PTK2: variants seen among roughly 807,000 people sequenced by gnomAD.
The protein encoded by PTK2 is focal adhesion kinase 1.
In PTK2, 45 loss-of-function variants were observed where a neutral mutation model predicts 150.1. The observed-to-expected ratio is 0.30, with a 90% CI of 0.24 to 0.38. PTK2 has a LOEUF of 0.38. Ranked by LOEUF, PTK2 falls within the 10% of genes least tolerant of loss-of-function variation. The probability of loss-of-function intolerance (pLI) is 1.00; values close to 1 mark genes in which losing one functional copy is unlikely to be tolerated. For synonymous variants in PTK2, 432 were observed against 449.2 expected (o/e 0.96, Z 0.48); for missense variants, 919 against 1,307.3 (o/e 0.70, Z 4.58).
At chr8:140,762,987 A>G (rs969548300) in intron 15 of PTK2, among the ~76,000 whole-genome samples, 2 of 152,092 alleles carry the variant, frequency 1.3e-5, no homozygotes, top group South Asian at 2.1e-4. Context: ...TTGTTATGTC[A>G]CCTAGGTTGG....
At chr8:140,911,673 T>G (rs2100163231) in intron 2 of PTK2, among the ~76,000 whole-genome samples, 2 of 152,166 alleles carry the variant, frequency 1.3e-5, no homozygotes, top group African/African-American at 2.4e-5. Context: ...CCATCAATGT[T>G]TTATCTTCAT....
intron 4 of PTK2, among the ~76,000 whole-genome samples, chr8:140,869,250 T>A (rs922075254): frequency 1.3e-5 from 2 of 152,100 alleles, no homozygotes; most frequent in African/African-American, 2.4e-5. Flanking sequence ...AACACGCATC[T>A]GCAAGTCAAC....
chr8:140,847,398 G>A (rs2100126218), intron 5 of PTK2, among the ~76,000 whole-genome samples: 1 of 152,150 alleles, frequency 6.6e-6, no homozygotes, highest in South Asian at 2.1e-4. Flanking sequence ...AATTTTAAAA[G>A]CCGATAAGAG....
chr8:140,659,781 C>T, intron 31 of PTK2, 103 bp from the exon 36 acceptor site: 1 of 1,053,814 alleles, frequency 9.5e-7, no homozygotes, highest in Non-Finnish European at 1.4e-6. Context: ...CCTCAAACTC[C>T]TGGGCTCAAG....
chr8:140,923,083 T>C (rs1242292715), intron 2 of PTK2, among the ~76,000 whole-genome samples: 3 of 152,194 alleles, frequency 2.0e-5, no homozygotes, highest in Non-Finnish European at 1.5e-5. Context: ...GGGCTTTCTC[T>C]CCTACCCCTG....
chr8:140,942,953 C>T (rs991516621), intron 1 of PTK2, among the ~76,000 whole-genome samples: 11 of 151,898 alleles, frequency 7.2e-5, no homozygotes, highest in African/African-American at 2.4e-4. Context: ...TGTATGGCAC[C>T]TCCCACTCTC....
intron 2 of PTK2, among the ~76,000 whole-genome samples, chr8:140,896,187 T>A (rs1237066950): frequency 2.0e-5 from 3 of 152,198 alleles, no homozygotes; most frequent in Non-Finnish European, 4.4e-5. Context: ...AAATAGTCCA[T>A]CTAAAATTCT....
intron 4 of PTK2, among the ~76,000 whole-genome samples, chr8:140,872,477 A>G (rs1372627916): frequency 6.6e-6 from 1 of 152,242 alleles, no homozygotes; most frequent in African/African-American, 2.4e-5. Context: ...CCTAACAAAT[A>G]CTACCTACTT....
At chr8:140,689,515 T>C (rs182754681) in intron 26 of PTK2, among the ~76,000 whole-genome samples, 3 of 152,238 alleles carry the variant, frequency 2.0e-5, no homozygotes, top group African/African-American at 7.2e-5. Context: ...TGGTAAAATA[T>C]GAATAGTCCA....
chr8:140,728,736 G>A (rs1054835858), intron 22 of PTK2, among the ~76,000 whole-genome samples: 6 of 152,122 alleles, frequency 3.9e-5, no homozygotes, highest in African/African-American at 1.4e-4. Flanking sequence ...GGCCAGGCTG[G>A]TCTTGAACTC....
chr8:140,831,238 G>A (rs1007364011), intron 7 of PTK2, among the ~76,000 whole-genome samples: 1 of 152,186 alleles, frequency 6.6e-6, no homozygotes, highest in Non-Finnish European at 1.5e-5. Flanking sequence ...TCTTTTCCTA[G>A]TACTTTGGTT....
intron 23 of PTK2, among the ~76,000 whole-genome samples, chr8:140,710,464 T>C (rs560114972): frequency 2.0e-5 from 3 of 151,572 alleles, no homozygotes; most frequent in Non-Finnish European, 2.9e-5. Flanking sequence ...AGGTCAGGAG[T>C]TTGAGACCAG....
intron 17 of PTK2, chr8:140,751,896 T>C (rs761263106): frequency 1.9e-6 from 1 of 531,754 alleles, no homozygotes; most frequent in Non-Finnish European, 3.7e-6. Flanking sequence ...GTGTGTGTCA[T>C]GCTCACCTCT....
chr8:140,723,055 A>G (rs1386479772), intron 22 of PTK2, among the ~76,000 whole-genome samples: 1 of 152,132 alleles, frequency 6.6e-6, no homozygotes, highest in Non-Finnish European at 1.5e-5. Context: ...TTGCCACAAG[A>G]AGACTCTCTC....
intron 1 of PTK2, among the ~76,000 whole-genome samples, chr8:140,978,706 T>C (rs897777087): frequency 1.8e-4 from 27 of 152,120 alleles, no homozygotes; most frequent in African/African-American, 6.5e-4. Context: ...AGTGTGGTGA[T>C]TCCTCAGGGA....
chr8:140,885,821 G>C (rs1282864444), intron 3 of PTK2, among the ~76,000 whole-genome samples: 1 of 152,116 alleles, frequency 6.6e-6, no homozygotes, highest in African/African-American at 2.4e-5. Flanking sequence ...GGGACAGGAT[G>C]GGGGAGATGG....
chr8:140,773,215 A>G (rs563289382), intron 14 of PTK2, among the ~76,000 whole-genome samples: 2 of 152,350 alleles, frequency 1.3e-5, no homozygotes, highest in African/African-American at 4.8e-5. Context: ...AACAAAAACA[A>G]AAAGGATTAG....
At chr8:140,823,854 T>C (rs187703202) in intron 8 of PTK2, among the ~76,000 whole-genome samples, 1 of 152,198 alleles carries the variant, frequency 6.6e-6, no homozygotes, top group African/African-American at 2.4e-5. Flanking sequence ...TTCTTCTTCC[T>C]CCTCCCACAT....
Position 140,890,583 on chromosome 8 carries a change from C to T in PTK2, c.155G>A (p.Trp52Ter). The T allele has an allele frequency of 6.2e-7, 1 of 1,614,076 alleles. No individual in the cohort carries two copies. Among genetic ancestry groups the T allele is most frequent in the Non-Finnish European group, 8.5e-7 (1 of 1,180,004 alleles). ...ATCTCCATGCCTGATAATACTGGCC[C>T]AGGTGGTTGGCTCACTATTGCTTTC... Residue 52 changes from tryptophan to a stop codon, truncating the protein, a stop_gained, in exon 3 of 32, where the codon TGG becomes TAG. Transcript: ENST00000522684. LOFTEE classifies it high-confidence loss of function.
Sources: allele counts gnomAD v4.1 joint callset (sites outside exome capture counted in the v4.1 genomes callset), GRCh38; gene constraint gnomAD v4.1.1; transcripts MANE v1.5; gene names NCBI Gene and HGNC (gene_info 2026-07-23, HGNC 2026-07-21).